The following WWC1 variants were observed in gnomAD, a reference collection of about 807,000 sequenced individuals.
WWC1 encodes the protein protein KIBRA.
A neutral mutation model predicts 138.4 loss-of-function variants in WWC1; 55 were observed. That is an observed-to-expected ratio of 0.40 (90% confidence interval 0.32 to 0.50). WWC1 has a LOEUF of 0.50. Ranked by LOEUF, WWC1 falls within the 20% of genes least tolerant of loss-of-function variation. The probability of loss-of-function intolerance (pLI) is 0.72; values close to 1 mark genes in which losing one functional copy is unlikely to be tolerated. For synonymous variants in WWC1, 524 were observed against 564.9 expected (o/e 0.93, Z 1.03); for missense variants, 1,226 against 1,420.4 (o/e 0.86, Z 2.20).
intron 2 of WWC1, among the ~76,000 whole-genome samples, chr5:168,380,664 C>T (rs1218858931): frequency 1.3e-5 from 2 of 152,150 alleles, no homozygotes; most frequent in Admixed American, 6.5e-5. Flanking sequence ...TCCAGCAATT[C>T]TACCCCTGGT....
Position 168,454,080 on chromosome 5 carries a change from G to T in WWC1, c.2638G>T (p.Asp880Tyr), listed in dbSNP as rs1321366520. 1 of 1,613,460 alleles carries T rather than the reference G, an allele frequency of 6.2e-7. No homozygotes were observed. Among genetic ancestry groups the T allele is most frequent in the African/African-American group, 1.3e-5 (1 of 74,940 alleles). ...CACCGAGAAAGCCTCACCTGATATG[G>T]ATGGGTACCCAGCATTAAAGGTAGG... Reference protein sequence around the residue: ...VFTEKASPDMDGYPALKVDKE... With the variant: ...VFTEKASPDMYGYPALKVDKE... The change falls in exon 18 of 23, where the codon GAT becomes TAT. Residue 880 changes from aspartate (D) to tyrosine (Y), a missense_variant. Physicochemically the swap from Asp to Tyr is radical, Grantham distance 160. This residue lies in a region of WWC1 where 1,016 missense variants were observed against 1,153.9 expected (regional missense o/e 0.88). Coordinates refer to ENST00000265293, the MANE Select transcript of WWC1 (RefSeq NM_015238.3).
chr5:168,452,520 A>C lies in WWC1; in HGVS notation c.2526-1448A>C, dbSNP rs998806818. Among the ~76,000 whole-genome samples the C allele has an allele frequency of 4.6e-5, 7 of 152,330 alleles. No individual in the cohort carries two copies. In the South Asian group the frequency reaches 1.5e-3, roughly 32 times the overall value. On this transcript the variant is annotated intron_variant, in intron 17 of 22. Transcript: ENST00000265293. ...AGCCAGGGAAAGGGGCCTCAGGTGA[A>C]TCAAACCTGCTGACACCTTGAGCAT...
intron 1 of WWC1, among the ~76,000 whole-genome samples, chr5:168,361,944 A>G (rs1215002531): frequency 1.3e-5 from 2 of 152,076 alleles, no homozygotes; most frequent in Non-Finnish European, 2.9e-5. Context: ...TTAGCCGGGC[A>G]TGGTGGCAGG....
chr5:168,439,240 C>T (rs1754528721), intron 15 of WWC1, among the ~76,000 whole-genome samples: 1 of 152,090 alleles, frequency 6.6e-6, no homozygotes, highest in Admixed American at 6.6e-5. Context: ...AAGAGATCTT[C>T]CTCTTTTTTA....
At chr5:168,398,943 C>G (rs1039801859) in intron 4 of WWC1, among the ~76,000 whole-genome samples, 2 of 152,198 alleles carry the variant, frequency 1.3e-5, no homozygotes, top group Admixed American at 6.5e-5. Context: ...TTATTAGCAA[C>G]TCATTTTAAA....
At chr5:168,431,906 C>G (rs770650145) in intron 15 of WWC1, among the ~76,000 whole-genome samples, 1 of 151,922 alleles carries the variant, frequency 6.6e-6, no homozygotes, top group Non-Finnish European at 1.5e-5. Flanking sequence ...CCCATCTCTA[C>G]AAAAAATAAA....
intron 17 of WWC1, among the ~76,000 whole-genome samples, chr5:168,452,235 T>G (rs1012698243): frequency 6.6e-6 from 1 of 152,172 alleles, no homozygotes; most frequent in African/African-American, 2.4e-5. Context: ...AAATTTATAC[T>G]TACCGTATGA....
chr5:168,356,941 T>G (rs961794401), intron 1 of WWC1, among the ~76,000 whole-genome samples: 1 of 152,126 alleles, frequency 6.6e-6, no homozygotes, highest in Non-Finnish European at 1.5e-5. Context: ...GGGAGCCCTG[T>G]CAGTTGTGGG....
At chr5:168,358,679 G>A (rs1376567463) in intron 1 of WWC1, among the ~76,000 whole-genome samples, 1 of 152,100 alleles carries the variant, frequency 6.6e-6, no homozygotes, top group Non-Finnish European at 1.5e-5. Flanking sequence ...AAGCTAATAT[G>A]TTGCATTGAA....
intron 1 of WWC1, among the ~76,000 whole-genome samples, chr5:168,347,884 A>G (rs1774607542): frequency 6.6e-6 from 1 of 152,194 alleles, no homozygotes; most frequent in Non-Finnish European, 1.5e-5. Context: ...CTATCTCCAG[A>G]GAAAGAATGT....
chr5:168,430,347 G>A lies in WWC1; in HGVS notation c.2087+124G>A. On this transcript the variant is annotated intron_variant, in intron 14 of 22. Transcript: ENST00000265293. ...TGTCAAGGCACTGTGGGTTTGTACT[G>A]CATATGACTGTGATGCTGAATGTCG... 4.4e-6 allele frequency: 3 copies of A among 687,306 alleles called. No homozygotes were observed. The South Asian group carries it at 5.8e-5, about 13-fold the overall frequency. 42.6% of individuals were successfully genotyped at this position (687,306 alleles called of 1,614,324 possible).
At chr5:168,382,582 C>T (rs959108982) in intron 2 of WWC1, among the ~76,000 whole-genome samples, 2 of 152,200 alleles carry the variant, frequency 1.3e-5, no homozygotes, top group African/African-American at 2.4e-5. Context: ...GCAGATCCCT[C>T]AGGGGGACCC....
chr5:168,297,458 C>G (rs1177181029), intron 1 of WWC1, among the ~76,000 whole-genome samples: 1 of 152,098 alleles, frequency 6.6e-6, no homozygotes, highest in Non-Finnish European at 1.5e-5. Flanking sequence ...GAAACCCCAT[C>G]TCTACTAAAA....
chr5:168,366,682 A>G (rs1776315755), intron 1 of WWC1, among the ~76,000 whole-genome samples: 1 of 151,766 alleles, frequency 6.6e-6, no homozygotes, highest in Non-Finnish European at 1.5e-5. Context: ...CAATCAGTGG[A>G]GTTAATGGTT....
At chr5:168,384,713 C>CT (rs762052940) in intron 2 of WWC1, among the ~76,000 whole-genome samples, 16,632 of 99,532 alleles carry the variant, frequency 0.17, 1,376 homozygotes, top group Non-Finnish European at 0.19. Context: ...CTGGTTTATT[C>CT]TTTTTTTTTT....
In WWC1 at chr5:168,464,911, G is replaced by A. The variant is rs1161265113; in HGVS notation, c.3099G>A (p.Trp1033Ter). 6.2e-7 allele frequency: 1 copy of A among 1,614,114 alleles called. No homozygotes were observed. The highest frequency in any genetic ancestry group is 1.3e-5 in the African/African-American group (1 of 74,948). ...KSHGEKELPQ[W>*]LREDERFRLL... is the part of the protein sequence containing the mutation. ...ACGGGGAGAAGGAGCTGCCACAGTG[G>A]TTGCGTGAGGACGAGCGTTTCCGCC... is the stretch of plus-strand genomic sequence containing the variant. Residue 1033 changes from tryptophan to a stop codon, truncating the protein, a stop_gained, in exon 21 of 23, where the codon TGG (tryptophan) becomes TGA (stop). Transcript: ENST00000265293. LOFTEE classifies it high-confidence loss of function.
At position 168,414,423 on chromosome 5, in the gene WWC1, C is replaced by G; in HGVS notation, c.1017C>G (p.Asp339Glu). 1.3e-6 allele frequency: 2 copies of G among 1,598,654 alleles called. No homozygotes were observed. The highest frequency in any genetic ancestry group is 1.7e-6 in the Non-Finnish European group (2 of 1,172,096). The change falls in exon 9 of 23, where the codon GAC becomes GAG. Residue 339 changes from aspartate to glutamate, a missense_variant. Transcript: ENST00000265293. Reference sequence around the variant, plus strand: ...CTGGGGTGCTGGACTCAGAGAGGGACCGGCTGATCCTTATCAACGAGAAGG... The same window carrying G: ...CTGGGGTGCTGGACTCAGAGAGGGAGCGGCTGATCCTTATCAACGAGAAGG... ...AWPGVLDSER[D>E]RLILINEKEE...
chr5:168,465,720 G>A (rs1026495447), intron 21 of WWC1, among the ~76,000 whole-genome samples: 1 of 151,706 alleles, frequency 6.6e-6, no homozygotes, highest in African/African-American at 2.4e-5. Context: ...AATATGCCCG[G>A]CTAATTTTTG....
At chr5:168,461,946 C>G (rs1460422876) in intron 20 of WWC1, among the ~76,000 whole-genome samples, 5 of 151,946 alleles carry the variant, frequency 3.3e-5, no homozygotes, top group Non-Finnish European at 7.4e-5. Flanking sequence ...ATCCCAGCTA[C>G]TCGGGAGGCT....
Sources: allele counts gnomAD v4.1 joint callset (sites outside exome capture counted in the v4.1 genomes callset), GRCh38; gene constraint gnomAD v4.1.1; regional missense constraint gnomAD v4.1.1; transcripts MANE v1.5; gene names NCBI Gene and HGNC (gene_info 2026-07-23, HGNC 2026-07-21).